MARCHF1: variants seen among roughly 807,000 people sequenced by gnomAD.
MARCHF1 encodes the protein E3 ubiquitin-protein ligase MARCHF1.
In MARCHF1, 40 loss-of-function variants were observed where a neutral mutation model predicts 54.2. The ratio of observed to expected loss-of-function variants is 0.74; its 90% confidence interval spans 0.57 to 0.96. MARCHF1 has a LOEUF of 0.96. Among genes scored for constraint, MARCHF1 ranks in the 40% least tolerant of loss-of-function variants. The pLI, the probability that MARCHF1 is intolerant of heterozygous loss-of-function variation, is 0.00. For missense variants in MARCHF1, 586 were observed against 656.5 expected (o/e 0.89, Z 1.17); for synonymous variants, 236 against 236.3 (o/e 1.00, Z 0.01).
At chr4:163,719,895 T>G (rs187586175) in intron 4 of MARCHF1, among the ~76,000 whole-genome samples, 1,928 of 152,288 alleles carry the variant, frequency 0.013, 39 homozygotes, top group African/African-American at 0.044. Context: ...TCTTGTAAAT[T>G]TGTTTGAGTT....
At chr4:163,912,597 G>A (rs1010019626) in intron 3 of MARCHF1, among the ~76,000 whole-genome samples, 4 of 152,064 alleles carry the variant, frequency 2.6e-5, no homozygotes, top group African/African-American at 7.2e-5. Flanking sequence ...CCATTTTCCT[G>A]GTTATTACCA....
rs926900697 is a variant in MARCHF1, at chr4:164,220,686, A to G, written c.-322-109024T>C. Among the ~76,000 whole-genome samples the G allele has an allele frequency of 1.9e-4, 28 of 146,472 alleles. 1 individual carries two copies. Among genetic ancestry groups the G allele is most frequent in the African/African-American group, 6.9e-4 (28 of 40,362 alleles). ...TATATGCTATATGTATATATGTAAT[A>G]TATATGCTATATATGTATATATGTA... On this transcript the variant is annotated intron_variant, in intron 1 of 9. Transcript: ENST00000514618.
chr4:164,079,022 T>C (rs1476528070), intron 2 of MARCHF1, among the ~76,000 whole-genome samples: 3 of 152,202 alleles, frequency 2.0e-5, no homozygotes, highest in Non-Finnish European at 4.4e-5. Context: ...TCATTATTAC[T>C]TTACTTTGCA....
In MARCHF1 at chr4:163,929,739, G is replaced by T. The variant is rs1196386149; in HGVS notation, c.-39+58762C>A. Among the ~76,000 whole-genome samples, 5 of 150,526 alleles carry T rather than the reference G, an allele frequency of 3.3e-5. No homozygotes were observed. In the East Asian group the frequency reaches 7.8e-4, roughly 24 times the overall value. ...GGTAGAAATAACCATCTACTCCTCA[G>T]GTTAAGTGATTTGTTCCAGGCCACA... On this transcript the variant is annotated intron_variant, in intron 3 of 9. Transcript: ENST00000514618.
intron 4 of MARCHF1, among the ~76,000 whole-genome samples, chr4:163,744,560 G>T (rs998426870): frequency 2.6e-5 from 4 of 152,166 alleles, no homozygotes; most frequent in African/African-American, 9.7e-5. Context: ...GGTAAATAGT[G>T]TGTAAGTGTC....
At position 164,149,333 on chromosome 4, in the gene MARCHF1, T is replaced by C. The variant is rs574411448; in HGVS notation, c.-322-37671A>G. ...TATATTTAGTATGGCCTATGGACTC[T>C]AGCTCTTCTCTAAGATCTTTGCATT... is the stretch of plus-strand genomic sequence containing the variant. On this transcript the variant is annotated intron_variant, in intron 1 of 9. Transcript: ENST00000514618. Among the ~76,000 whole-genome samples, 20 of 152,310 alleles carry C rather than the reference T, an allele frequency of 1.3e-4. No individual in the cohort carries two copies. In the South Asian group the frequency reaches 4.1e-3, roughly 32 times the overall value.
intron 3 of MARCHF1, among the ~76,000 whole-genome samples, chr4:163,864,154 C>T (rs141467068): frequency 1.9e-4 from 29 of 151,888 alleles, no homozygotes; most frequent in South Asian, 1.0e-3. Flanking sequence ...AACTGCCTTC[C>T]GAAGAGTACA....
intron 8 of MARCHF1, among the ~76,000 whole-genome samples, chr4:163,558,136 G>A (rs1293593218): frequency 6.6e-6 from 1 of 152,174 alleles, no homozygotes; most frequent in Non-Finnish European, 1.5e-5. Flanking sequence ...AGGTGGAAGG[G>A]CACAGGTGAG....
Position 164,012,338 on chromosome 4 carries a change from T to C in MARCHF1, c.-247-23629A>G, listed in dbSNP as rs111454927. Among the ~76,000 whole-genome samples, 990 of 152,180 alleles carry C rather than the reference T, an allele frequency of 6.5e-3. 6 individuals are homozygous for C. Among genetic ancestry groups the C allele is most frequent in the Non-Finnish European group, 0.01 (686 of 68,014 alleles). ...GTACAGAAGACTGTATCTTGCAACTTGGGTGCCACCTGAGCCTAAGTAAAA... is the reference window on the plus strand; with the variant it reads ...GTACAGAAGACTGTATCTTGCAACTCGGGTGCCACCTGAGCCTAAGTAAAA... On this transcript the variant is annotated intron_variant, in intron 2 of 9. Coordinates refer to ENST00000514618, the MANE Select transcript of MARCHF1 (RefSeq NM_001394959.1).
chr4:163,536,846 T>C (rs1738553413), intron 9 of MARCHF1, among the ~76,000 whole-genome samples: 1 of 152,012 alleles, frequency 6.6e-6, no homozygotes, highest in Non-Finnish European at 1.5e-5. Flanking sequence ...TCTGAATCAG[T>C]TTCCCCTGCC....
In MARCHF1 at chr4:163,570,893, T is replaced by C. The variant is rs187842116; in HGVS notation, c.1191+14856A>G. Reference sequence around the variant, plus strand: ...TATCCCTCAGTACTGTTATCTGCTATTTTTCATCATAAAACAAGATCTCTT... The same window carrying C: ...TATCCCTCAGTACTGTTATCTGCTACTTTTCATCATAAAACAAGATCTCTT... On this transcript the variant is annotated intron_variant, in intron 8 of 9. Transcript: ENST00000514618. 1.7e-3 allele frequency among the ~76,000 whole-genome samples: 253 copies of C among 152,202 alleles called. 1 individual carries two copies. Among genetic ancestry groups the C allele is most frequent in the African/African-American group, 5.7e-3 (237 of 41,546 alleles).
At chr4:164,268,077 C>A (rs1352903715) in intron 1 of MARCHF1, among the ~76,000 whole-genome samples, 1 of 152,172 alleles carries the variant, frequency 6.6e-6, no homozygotes, top group Non-Finnish European at 1.5e-5. Flanking sequence ...CTAACACACA[C>A]ACAAAAATCA....
chr4:163,606,251 C>T (rs975602513), intron 7 of MARCHF1, among the ~76,000 whole-genome samples: 12 of 151,968 alleles, frequency 7.9e-5, no homozygotes, highest in African/African-American at 2.9e-4. Flanking sequence ...CCTGTAACAC[C>T]GAATTCCCAT....
Position 163,885,027 on chromosome 4 carries a change from T to C in MARCHF1, c.-38-30858A>G, listed in dbSNP as rs193181614. On this transcript the variant is annotated intron_variant, in intron 3 of 9. Transcript: ENST00000514618. ...AAGTATTCCATTTAAATTAGTGGTCTCCAAAATAGAATAAGCAAATGAGGC... is the reference window on the plus strand; with the variant it reads ...AAGTATTCCATTTAAATTAGTGGTCCCCAAAATAGAATAAGCAAATGAGGC... 1.0e-3 allele frequency among the ~76,000 whole-genome samples: 158 copies of C among 152,268 alleles called. 2 individuals carry two copies. Among genetic ancestry groups the C allele is most frequent in the African/African-American group, 3.7e-3 (152 of 41,530 alleles).
intron 3 of MARCHF1, among the ~76,000 whole-genome samples, chr4:163,864,281 C>T (rs868520621): frequency 9.9e-5 from 15 of 151,800 alleles, no homozygotes; most frequent in East Asian, 1.9e-4. Flanking sequence ...TTTACCTGAA[C>T]GATTTCCCTC....
intron 2 of MARCHF1, among the ~76,000 whole-genome samples, chr4:164,014,599 G>A (rs954351931): frequency 6.6e-6 from 1 of 152,020 alleles, no homozygotes; most frequent in Non-Finnish European, 1.5e-5. Flanking sequence ...ACATAGAGTG[G>A]TGGAATCAAT....
At chr4:163,932,001 T>C (rs1239342175) in intron 3 of MARCHF1, among the ~76,000 whole-genome samples, 1 of 152,224 alleles carries the variant, frequency 6.6e-6, no homozygotes, top group Non-Finnish European at 1.5e-5. Flanking sequence ...TTTTGTTTTG[T>C]TTCCCAATGC....
At chr4:164,044,886 T>C (rs1445546566) in intron 2 of MARCHF1, among the ~76,000 whole-genome samples, 2 of 152,010 alleles carry the variant, frequency 1.3e-5, no homozygotes, top group African/African-American at 4.8e-5. Flanking sequence ...ACTACCATGG[T>C]GTCATCTGCT....
chr4:163,975,186 TCTCTCTCTCTCACA>T (rs1222796704), intron 3 of MARCHF1, among the ~76,000 whole-genome samples: 1 of 135,276 alleles, frequency 7.4e-6, no homozygotes, highest in African/African-American at 3.4e-5. Flanking sequence ...TCTCTCTCTC[TCTCTCTCTCTCACA>T]CACACACACA....
Sources: allele counts gnomAD v4.1 joint callset (sites outside exome capture counted in the v4.1 genomes callset), GRCh38; gene constraint gnomAD v4.1.1; transcripts MANE v1.5; gene names NCBI Gene and HGNC (gene_info 2026-07-23, HGNC 2026-07-21).